Variants in NHS observed in about 807,000 individuals in gnomAD.
The protein encoded by NHS is NHS actin remodeling regulator, also known as actin remodeling regulator NHS.
NHS carries 5 observed loss-of-function variants against 72.5 expected under a neutral mutation model. The observed-to-expected ratio is 0.07, with a 90% CI of 0.04 to 0.14. NHS has a LOEUF of 0.14. Among genes scored for constraint, NHS ranks in the 10% least tolerant of loss-of-function variants. NHS has a pLI of 1.00. For synonymous variants in NHS, 464 were observed against 547.7 expected (o/e 0.85, Z 2.13); for missense variants, 1,072 against 1,355.7 (o/e 0.79, Z 3.29).
chrX:17,700,500 T>C (rs1332511260), intron 3 of NHS, among the ~76,000 whole-genome samples: 1 of 110,206 alleles, frequency 9.1e-6, no homozygotes, highest in Non-Finnish European at 1.9e-5. Flanking sequence ...TTCCACATAT[T>C]ACCTATGAGA....
At chrX:17,561,572 G>GCACACACACACACA (rs1304131940) in intron 1 of NHS, among the ~76,000 whole-genome samples, 6 of 60,229 alleles carry the variant, frequency 1.0e-4, no homozygotes, top group African/African-American at 4.3e-4. Context: ...GCGCGCGCGC[G>GCACACACACACACA]CGCACACACA....
At chrX:17,430,111 C>CTTCCTTCCTTCCTTCA (rs1358028742) in intron 1 of NHS, among the ~76,000 whole-genome samples, 2 of 103,006 alleles carry the variant, frequency 1.9e-5, no homozygotes, top group African/African-American at 7.3e-5. Context: ...TCCTTCCTTC[C>CTTCCTTCCTTCCTTCA]TTCCTTTCCT....
chrX:17,712,887 C>T (rs1293434755), intron 3 of NHS, among the ~76,000 whole-genome samples: 3 of 111,190 alleles, frequency 2.7e-5, no homozygotes, highest in African/African-American at 9.8e-5. Flanking sequence ...AAGGTCAAAC[C>T]CAGAAAGGGA....
intron 1 of NHS, among the ~76,000 whole-genome samples, chrX:17,474,935 G>A (rs2064909583): frequency 9.0e-6 from 1 of 111,103 alleles, no homozygotes; most frequent in Non-Finnish European, 1.9e-5. Flanking sequence ...TCCTAGACCT[G>A]GGGAACTGAA....
chrX:17,597,176 A>G (rs1413637565), intron 1 of NHS, among the ~76,000 whole-genome samples: 2 of 103,003 alleles, frequency 1.9e-5, no homozygotes, highest in Middle Eastern at 5.0e-3. Context: ...CTGGAATGCA[A>G]TGGCGCGATC....
rs1460044485 is a variant in NHS, at chrX:17,734,171, T to C, written c.*1707T>C. The C allele has an allele frequency of 8.9e-6, 1 of 111,820 alleles. No individual in the cohort carries two copies. The highest frequency in any genetic ancestry group is 3.3e-5 in the African/African-American group (1 of 30,631). The allele number at this position is 111,820 out of a possible 1,213,427, so 9.2% of individuals were successfully genotyped here. On this transcript the variant is annotated 3_prime_UTR_variant, in exon 9 of 9. Transcript: ENST00000676302. ...GAACATACCAATGTTACCAAGAAAT[T>C]GACAAGCTGCTGGCTTTAAGCTTAT...
intron 1 of NHS, among the ~76,000 whole-genome samples, chrX:17,549,004 C>T (rs1302886954): frequency 9.8e-6 from 1 of 102,200 alleles, no homozygotes; most frequent in Non-Finnish European, 2.0e-5. Context: ...TTAATTTTCC[C>T]ATCTCTATGG....
chrX:17,664,728 A>G (rs2066001550), intron 1 of NHS, among the ~76,000 whole-genome samples: 1 of 112,023 alleles, frequency 8.9e-6, no homozygotes, highest in South Asian at 3.7e-4. Context: ...CAGCTTGTCA[A>G]TTTCTTCAAA....
intron 1 of NHS, among the ~76,000 whole-genome samples, chrX:17,647,989 TTTTAA>T (rs1349501985): frequency 8.9e-6 from 1 of 111,859 alleles, no homozygotes; most frequent in African/African-American, 3.3e-5. Flanking sequence ...CCTTTTTTTT[TTTTAA>T]GTCTTTAGTT....
chrX:17,487,086 A>G (rs73189143), intron 1 of NHS, among the ~76,000 whole-genome samples: 2,094 of 112,294 alleles, frequency 0.019, 18 homozygotes, highest in Non-Finnish European at 0.03. Flanking sequence ...AGCAAGAAGC[A>G]TGCTAAACAA....
intron 1 of NHS, among the ~76,000 whole-genome samples, chrX:17,432,010 G>A (rs1421920256): frequency 3.6e-5 from 4 of 112,070 alleles, no homozygotes; most frequent in Non-Finnish European, 7.5e-5. Context: ...CCCACCATTG[G>A]CAAAGACTGA....
chrX:17,473,394 A>T (rs1474784920), intron 1 of NHS, among the ~76,000 whole-genome samples: 1 of 112,529 alleles, frequency 8.9e-6, no homozygotes, highest in African/African-American at 3.2e-5. Context: ...ATTGTTAAAG[A>T]CACTAAGGTT....
chrX:17,629,820 C>T (rs1183490694), intron 1 of NHS, among the ~76,000 whole-genome samples: 1 of 111,269 alleles, frequency 9.0e-6, no homozygotes, highest in African/African-American at 3.3e-5. Flanking sequence ...GGGACTCAGG[C>T]AAACAAGGAG....
At chrX:17,483,843 T>A (rs2064956907) in intron 1 of NHS, among the ~76,000 whole-genome samples, 1 of 110,229 alleles carries the variant, frequency 9.1e-6, no homozygotes, top group Non-Finnish European at 1.9e-5. Flanking sequence ...TAAAGGAACG[T>A]AGTAAAGGCA....
intron 3 of NHS, among the ~76,000 whole-genome samples, chrX:17,701,777 G>A (rs886269736): frequency 3.6e-5 from 4 of 111,033 alleles, no homozygotes; most frequent in African/African-American, 1.3e-4. Context: ...GTTCAGCTGT[G>A]TGCAGTTGCT....
At chrX:17,583,012 T>C (rs919673725) in intron 1 of NHS, among the ~76,000 whole-genome samples, 1 of 111,716 alleles carries the variant, frequency 9.0e-6, no homozygotes, top group African/African-American at 3.3e-5. Context: ...AGTCATTGGT[T>C]TGGTCTTTCT....
intron 3 of NHS, among the ~76,000 whole-genome samples, chrX:17,695,932 A>C (rs2066226885): frequency 1.0e-5 from 1 of 99,186 alleles, no homozygotes. Flanking sequence ...TTCCTTAAAA[A>C]AAAAAAAAAA....
At chrX:17,515,023 A>T (rs2065112652) in intron 1 of NHS, among the ~76,000 whole-genome samples, 1 of 111,892 alleles carries the variant, frequency 8.9e-6, no homozygotes, top group Admixed American at 9.5e-5. Context: ...AAATCAGGTC[A>T]GCTTAGGTCA....
chrX:17,554,834 CTTT>C (rs1170480532), intron 1 of NHS, among the ~76,000 whole-genome samples: 1 of 104,058 alleles, frequency 9.6e-6, no homozygotes, highest in Non-Finnish European at 1.9e-5. Context: ...TGGCTGTTTT[CTTT>C]TTTTTCTTTT....
Sources: gnomAD v4.1 joint callset for allele counts (sites outside exome capture counted in the v4.1 genomes callset) on GRCh38, gnomAD v4.1.1 for gene constraint, MANE v1.5 for transcripts, NCBI Gene and HGNC (gene_info 2026-07-23, HGNC 2026-07-21) for gene names.